Variants in ASTN2 observed in about 807,000 individuals in gnomAD.
ASTN2 encodes the protein astrotactin-2.
ASTN2 carries 54 observed loss-of-function variants against 139.8 expected under a neutral mutation model. The ratio of observed to expected loss-of-function variants is 0.39; its 90% CI spans 0.31 to 0.48. The LOEUF is 0.48. ASTN2 is among the 20% of genes least tolerant of loss of function. The probability of loss-of-function intolerance (pLI) is 0.95; values close to 1 mark genes in which losing one functional copy is unlikely to be tolerated. For synonymous variants in ASTN2, 756 were observed against 719.5 expected (o/e 1.05, Z -0.81); for missense variants, 1,565 against 1,725.1 (o/e 0.91, Z 1.64).
chr9:116,913,033 A>T (rs555895283), intron 10 of ASTN2, among the ~76,000 whole-genome samples: 1 of 152,044 alleles, frequency 6.6e-6, no homozygotes, highest in Non-Finnish European at 1.5e-5. Flanking sequence ...CCTCCCAGGT[A>T]GCTGGGACTC....
intron 20 of ASTN2, among the ~76,000 whole-genome samples, chr9:116,462,692 T>C (rs1848524638): frequency 6.6e-6 from 1 of 152,102 alleles, no homozygotes; most frequent in Non-Finnish European, 1.5e-5. Flanking sequence ...TGGGATAATA[T>C]TCTTTTCCTT....
intron 10 of ASTN2, among the ~76,000 whole-genome samples, chr9:116,913,299 G>A (rs1834364466): frequency 6.6e-6 from 1 of 152,128 alleles, no homozygotes; most frequent in South Asian, 2.1e-4. Flanking sequence ...CATACCTCTG[G>A]ATTTCAAAAT....
intron 2 of ASTN2, among the ~76,000 whole-genome samples, chr9:117,231,978 C>T (rs907154881): frequency 1.3e-5 from 2 of 152,170 alleles, no homozygotes; most frequent in Non-Finnish European, 2.9e-5. Flanking sequence ...GGGCCCTGCA[C>T]TCGGGGAAGC....
intron 6 of ASTN2, among the ~76,000 whole-genome samples, chr9:117,017,558 G>C (rs1360249525): frequency 1.3e-5 from 2 of 152,128 alleles, no homozygotes; most frequent in Non-Finnish European, 2.9e-5. Context: ...ACATAGTCTT[G>C]GTAAGCCTCC....
At chr9:117,037,778 T>G (rs1838431152) in intron 6 of ASTN2, among the ~76,000 whole-genome samples, 1 of 152,178 alleles carries the variant, frequency 6.6e-6, no homozygotes, top group African/African-American at 2.4e-5. Flanking sequence ...TTTTTCCACC[T>G]CAGTGTTCAT....
chr9:116,587,528 C>T (rs1854207750), intron 19 of ASTN2, among the ~76,000 whole-genome samples: 1 of 152,010 alleles, frequency 6.6e-6, no homozygotes, highest in East Asian at 1.9e-4. Flanking sequence ...GCTACCCACA[C>T]TACCATTCTC....
intron 19 of ASTN2, among the ~76,000 whole-genome samples, chr9:116,602,816 G>A (rs903400036): frequency 6.6e-6 from 1 of 152,082 alleles, no homozygotes; most frequent in Non-Finnish European, 1.5e-5. Flanking sequence ...TACAGTCCCA[G>A]CTACTCAGAA....
chr9:116,794,082 A>G (rs1452852383), intron 13 of ASTN2, among the ~76,000 whole-genome samples: 1 of 148,172 alleles, frequency 6.7e-6, no homozygotes, highest in East Asian at 2.1e-4. Flanking sequence ...ACAAAACAAA[A>G]CAAAAATAAA....
intron 19 of ASTN2, among the ~76,000 whole-genome samples, chr9:116,589,659 G>A (rs1218049103): frequency 2.6e-5 from 4 of 152,104 alleles, no homozygotes; most frequent in Non-Finnish European, 5.9e-5. Context: ...TCCAGTAGAG[G>A]GCAATCCCAC....
chr9:116,880,390 C>T (rs747006597), intron 10 of ASTN2, among the ~76,000 whole-genome samples: 2 of 152,090 alleles, frequency 1.3e-5, no homozygotes, highest in Non-Finnish European at 2.9e-5. Context: ...AAGCTTGGGT[C>T]CTGATAGGAA....
At chr9:116,493,472 A>C (rs1346663024) in intron 19 of ASTN2, among the ~76,000 whole-genome samples, 2 of 152,052 alleles carry the variant, frequency 1.3e-5, no homozygotes, top group Non-Finnish European at 2.9e-5. Context: ...ACATTTCTTT[A>C]TCCACTCAGA....
At chr9:116,616,478 G>A (rs2131817003) in intron 19 of ASTN2, among the ~76,000 whole-genome samples, 1 of 152,324 alleles carries the variant, frequency 6.6e-6, no homozygotes, top group East Asian at 1.9e-4. Context: ...CTGGGCATAA[G>A]ACAGACCTGG....
At chr9:117,055,050 G>C (rs1176197913) in intron 5 of ASTN2, among the ~76,000 whole-genome samples, 1 of 152,132 alleles carries the variant, frequency 6.6e-6, no homozygotes, top group South Asian at 2.1e-4. Flanking sequence ...TTGCTCACTT[G>C]CCCACCGCTC....
rs759641793 is a variant in ASTN2, at chr9:116,520,403, G to A, written c.3356-32903C>T. Among the ~76,000 whole-genome samples, 9 of 151,908 alleles carry A rather than the reference G, an allele frequency of 5.9e-5. No individual in the cohort carries two copies. In the South Asian group the frequency reaches 6.2e-4, roughly 10 times the overall value. On this transcript the variant is annotated intron_variant, in intron 19 of 22. Transcript: ENST00000313400. Reference sequence around the variant, plus strand: ...AAACATAATTTAAAACAAAAATCACGTGATCATCTCAATAGATTCAGAAAA... The same window carrying A: ...AAACATAATTTAAAACAAAAATCACATGATCATCTCAATAGATTCAGAAAA...
intron 1 of ASTN2, among the ~76,000 whole-genome samples, chr9:117,368,798 A>T (rs549075862): frequency 6.6e-6 from 1 of 152,126 alleles, no homozygotes; most frequent in Non-Finnish European, 1.5e-5. Context: ...AAATCCCATT[A>T]TCACAAAGCC....
intron 13 of ASTN2, among the ~76,000 whole-genome samples, chr9:116,755,618 C>T (rs1829513435): frequency 6.6e-6 from 1 of 152,204 alleles, no homozygotes; most frequent in Non-Finnish European, 1.5e-5. Context: ...TTAACCCATC[C>T]AGTTGGTGGC....
At chr9:117,212,932 G>A (rs977276271) in intron 3 of ASTN2, among the ~76,000 whole-genome samples, 41 of 152,098 alleles carry the variant, frequency 2.7e-4, no homozygotes, top group African/African-American at 9.9e-4. Flanking sequence ...CCATGACTTG[G>A]TATTTATCCA....
intron 3 of ASTN2, among the ~76,000 whole-genome samples, chr9:117,186,307 G>A (rs970090099): frequency 1.3e-5 from 2 of 152,174 alleles, no homozygotes; most frequent in Non-Finnish European, 1.5e-5. Flanking sequence ...AGCACTTTGG[G>A]AGGCTGAGGC....
At chr9:117,009,186 AT>A (rs1260061189) in intron 6 of ASTN2, among the ~76,000 whole-genome samples, 2 of 152,114 alleles carry the variant, frequency 1.3e-5, no homozygotes, top group Non-Finnish European at 2.9e-5. Context: ...AAATATTAAC[AT>A]TTTTATTATT....
Sources: gnomAD v4.1 joint callset for allele counts (sites outside exome capture counted in the v4.1 genomes callset) on GRCh38, gnomAD v4.1.1 for gene constraint, MANE v1.5 for transcripts, NCBI Gene and HGNC (gene_info 2026-07-23, HGNC 2026-07-21) for gene names.